Variants in DLGAP1 observed in about 807,000 individuals in gnomAD.
DLGAP1 encodes the protein DLG associated protein 1, also known as disks large-associated protein 1.
Under a neutral mutation model 90.8 loss-of-function variants are expected in DLGAP1, and 11 were observed. The ratio of observed to expected loss-of-function variants is 0.12; its 90% CI spans 0.08 to 0.20. The LOEUF is 0.20. Ranked by LOEUF, DLGAP1 falls within the 10% of genes least tolerant of loss-of-function variation. The pLI, the probability that DLGAP1 is intolerant of heterozygous loss-of-function variation, is 1.00. For synonymous variants in DLGAP1, 558 were observed against 540.7 expected, an observed-to-expected ratio of 1.03 and a Z score of -0.44; for missense variants, 1,050 against 1,333.8, an observed-to-expected ratio of 0.79 and a Z score of 3.31.
intron 1 of DLGAP1, among the ~76,000 whole-genome samples, chr18:4,381,653 T>G (rs749619930): frequency 5.9e-5 from 9 of 152,110 alleles, no homozygotes; most frequent in Admixed American, 6.6e-5. Flanking sequence ...TTAACCTTCC[T>G]CTCTCTCTAA....
At chr18:4,164,119 T>C (rs886258628) in intron 1 of DLGAP1, among the ~76,000 whole-genome samples, 1 of 152,066 alleles carries the variant, frequency 6.6e-6, no homozygotes, top group African/African-American at 2.4e-5. Context: ...CCATGGTCCA[T>C]AGAAGTAGGC....
chr18:4,143,398 C>T (rs1240833023), intron 2 of DLGAP1, among the ~76,000 whole-genome samples: 2 of 151,792 alleles, frequency 1.3e-5, no homozygotes, highest in African/African-American at 2.4e-5. Context: ...GCCACCACTG[C>T]CCAAGGCCCG....
At chr18:3,964,089 A>G (rs2073268447) in intron 3 of DLGAP1, among the ~76,000 whole-genome samples, 1 of 152,210 alleles carries the variant, frequency 6.6e-6, no homozygotes, top group African/African-American at 2.4e-5. Context: ...AGATAAAATT[A>G]GGAGGAGTGG....
chr18:3,855,917 T>A (rs1011946318), intron 4 of DLGAP1, among the ~76,000 whole-genome samples: 1 of 152,130 alleles, frequency 6.6e-6, no homozygotes, highest in Non-Finnish European at 1.5e-5. Flanking sequence ...GGCCAAAAAA[T>A]TTATTCTTAT....
At chr18:4,256,921 G>T (rs2078899405) in intron 1 of DLGAP1, among the ~76,000 whole-genome samples, 2 of 152,132 alleles carry the variant, frequency 1.3e-5, no homozygotes, top group Admixed American at 1.3e-4. Flanking sequence ...ATAACTGCTG[G>T]GTTCTTCCCC....
At chr18:4,017,733 T>C (rs1403852950) in intron 2 of DLGAP1, among the ~76,000 whole-genome samples, 2 of 152,218 alleles carry the variant, frequency 1.3e-5, no homozygotes, top group South Asian at 2.1e-4. Context: ...CAAGAGGAAG[T>C]AGTTCATTTG....
intron 1 of DLGAP1, among the ~76,000 whole-genome samples, chr18:4,239,941 C>A (rs545397603): frequency 6.6e-6 from 1 of 152,312 alleles, no homozygotes; most frequent in South Asian, 2.1e-4. Flanking sequence ...CTCCCCATAT[C>A]TTTTATCCTC....
At chr18:3,945,661 T>C (rs2072861962) in intron 3 of DLGAP1, among the ~76,000 whole-genome samples, 2 of 152,178 alleles carry the variant, frequency 1.3e-5, no homozygotes, top group Non-Finnish European at 2.9e-5. Context: ...ATATGCTCCC[T>C]TGGGAGATAT....
intron 5 of DLGAP1, among the ~76,000 whole-genome samples, chr18:3,791,676 T>C (rs931887852): frequency 6.6e-6 from 1 of 152,256 alleles, no homozygotes; most frequent in African/African-American, 2.4e-5. Context: ...TTTATGTGAA[T>C]TAAAATGTAT....
chr18:4,147,078 A>C (rs2076597069), intron 2 of DLGAP1, among the ~76,000 whole-genome samples: 1 of 152,342 alleles, frequency 6.6e-6, no homozygotes, highest in South Asian at 2.1e-4. Context: ...ACATGAACAC[A>C]TTTGAATGCA....
chr18:3,520,044 AT>A (rs1420506245), intron 10 of DLGAP1, among the ~76,000 whole-genome samples: 28 of 152,110 alleles, frequency 1.8e-4, no homozygotes, highest in Non-Finnish European at 1.6e-4. Flanking sequence ...TTAAAGTAAA[AT>A]TTAAAAAAAA....
intron 1 of DLGAP1, among the ~76,000 whole-genome samples, chr18:4,187,990 CCT>C (rs1281423163): frequency 6.6e-6 from 1 of 151,522 alleles, no homozygotes; most frequent in Non-Finnish European, 1.5e-5. Flanking sequence ...AGAGTGAGAC[CCT>C]GTCTCAAAAC....
chr18:3,916,348 A>C (rs2072144025), intron 3 of DLGAP1, among the ~76,000 whole-genome samples: 1 of 152,162 alleles, frequency 6.6e-6, no homozygotes, highest in Non-Finnish European at 1.5e-5. Context: ...CCCAATCTGC[A>C]CCAATGCTTG....
intron 1 of DLGAP1, among the ~76,000 whole-genome samples, chr18:4,420,103 T>C (rs2082994792): frequency 6.6e-6 from 1 of 152,182 alleles, no homozygotes; most frequent in South Asian, 2.1e-4. Context: ...TAAATAAGGA[T>C]ACTATGTCTT....
At chr18:4,270,284 G>T (rs472531) in intron 1 of DLGAP1, among the ~76,000 whole-genome samples, 29,902 of 152,022 alleles carry the variant, frequency 0.2, 5,605 homozygotes, top group African/African-American at 0.5. Context: ...TTATTTAACA[G>T]AAAGTGCAAA....
At chr18:3,796,386 T>A (rs1052884826) in intron 5 of DLGAP1, among the ~76,000 whole-genome samples, 28 of 152,220 alleles carry the variant, frequency 1.8e-4, no homozygotes, top group African/African-American at 6.8e-4. Context: ...GATTCTCCGG[T>A]ATACAAAGGG....
chr18:4,321,182 A>G (rs1308204384), intron 1 of DLGAP1, among the ~76,000 whole-genome samples: 25 of 152,210 alleles, frequency 1.6e-4, no homozygotes, highest in Admixed American at 1.6e-3. Flanking sequence ...TCAGCACCTA[A>G]TGTTCACTGT....
chr18:4,262,643 G>T (rs536230709), intron 1 of DLGAP1, among the ~76,000 whole-genome samples: 1 of 152,304 alleles, frequency 6.6e-6, no homozygotes, highest in Non-Finnish European at 1.5e-5. Context: ...CAGGGACACA[G>T]CAACATCCAG....
At chr18:3,599,887 GA>G (rs2056802021) in intron 7 of DLGAP1, among the ~76,000 whole-genome samples, 1 of 151,978 alleles carries the variant, frequency 6.6e-6, no homozygotes, top group African/African-American at 2.4e-5. Context: ...AAAATGTTGG[GA>G]TTACAGGCGT....
Sources: allele counts gnomAD v4.1 joint callset (sites outside exome capture counted in the v4.1 genomes callset), GRCh38; gene constraint gnomAD v4.1.1; transcripts MANE v1.5; gene names NCBI Gene and HGNC (gene_info 2026-07-23, HGNC 2026-07-21).